Variants in IMMP2L observed in about 807,000 individuals in gnomAD.
IMMP2L encodes the protein mitochondrial inner membrane protease subunit 2.
In IMMP2L, 18 loss-of-function variants were observed where a neutral mutation model predicts 19.3. The observed-to-expected ratio is 0.93, with a 90% confidence interval of 0.64 to 1.38. The LOEUF is 1.38. IMMP2L is among the 40% of genes most tolerant of loss of function. IMMP2L has a pLI of 0.00. For missense variants in IMMP2L, 233 were observed against 218.2 expected (o/e 1.07, Z -0.43); for synonymous variants, 76 against 73.0 (o/e 1.04, Z -0.21).
chr7:111,498,093 A>T (rs928247249), intron 2 of IMMP2L, among the ~76,000 whole-genome samples: 2 of 152,002 alleles, frequency 1.3e-5, no homozygotes, highest in Non-Finnish European at 2.9e-5. Flanking sequence ...TAATATTTTT[A>T]AAGTTTGTGT....
At chr7:110,926,463 T>C (rs1053719529) in intron 4 of IMMP2L, among the ~76,000 whole-genome samples, 2 of 152,252 alleles carry the variant, frequency 1.3e-5, no homozygotes, top group African/African-American at 2.4e-5. Context: ...TCTGCCCTTA[T>C]ATGGCCATGC....
intron 5 of IMMP2L, among the ~76,000 whole-genome samples, chr7:110,700,495 T>A (rs1794207307): frequency 6.6e-6 from 1 of 152,212 alleles, no homozygotes; most frequent in Non-Finnish European, 1.5e-5. Flanking sequence ...TCACAAAGAT[T>A]GGCACAAATA....
chr7:110,966,426 T>G (rs1395674571), intron 3 of IMMP2L, among the ~76,000 whole-genome samples: 1 of 151,982 alleles, frequency 6.6e-6, no homozygotes, highest in Admixed American at 6.6e-5. Flanking sequence ...AATTATCAAG[T>G]TTACTGCCTA....
At chr7:110,673,046 C>T (rs539777852) in intron 5 of IMMP2L, among the ~76,000 whole-genome samples, 2 of 152,352 alleles carry the variant, frequency 1.3e-5, no homozygotes, top group African/African-American at 4.8e-5. Flanking sequence ...CCACACTGCC[C>T]TAGCAGAGGC....
At chr7:110,819,494 T>C (rs148778506) in intron 5 of IMMP2L, among the ~76,000 whole-genome samples, 1 of 152,136 alleles carries the variant, frequency 6.6e-6, no homozygotes, top group East Asian at 1.9e-4. Flanking sequence ...ATGAAAGTGA[T>C]CCCATAAGTG....
Position 111,542,886 on chromosome 7 carries a change from C to T in IMMP2L, c.-3+18965G>A, listed in dbSNP as rs536781490. 6.6e-5 allele frequency among the ~76,000 whole-genome samples: 10 copies of T among 152,208 alleles called. No homozygotes were observed. The East Asian group carries it at 1.7e-3, about 26-fold the overall frequency. On this transcript the variant is annotated intron_variant, in intron 1 of 5. Coordinates refer to ENST00000405709, the MANE Select transcript of IMMP2L (RefSeq NM_032549.4). ...GCTGTCATTTCAGCACTCTCAATTG[C>T]CTCTTAGAATTTGAAATTTCACTGT...
intron 3 of IMMP2L, among the ~76,000 whole-genome samples, chr7:110,990,257 C>G (rs1285238210): frequency 6.6e-6 from 1 of 152,134 alleles, no homozygotes; most frequent in East Asian, 1.9e-4. Context: ...ATTTAAATAA[C>G]TATCTTTGTG....
Position 111,067,085 on chromosome 7 carries a change from T to C in IMMP2L, c.240-103520A>G, listed in dbSNP as rs149757056. Among the ~76,000 whole-genome samples the C allele has an allele frequency of 1.5e-4, 23 of 152,344 alleles. No homozygotes were observed. In the East Asian group the frequency reaches 4.2e-3, roughly 28 times the overall value. ...CAATGGAAACTTCATGTCTGGTACT[T>C]TCCTGGACCTGCTCTATGTGCTTCT... On this transcript the variant is annotated intron_variant, in intron 3 of 5. Coordinates refer to ENST00000405709, the MANE Select transcript of IMMP2L (RefSeq NM_032549.4).
chr7:110,807,024 T>C (rs1219737731), intron 5 of IMMP2L, among the ~76,000 whole-genome samples: 1 of 152,024 alleles, frequency 6.6e-6, no homozygotes, highest in Non-Finnish European at 1.5e-5. Flanking sequence ...TGGACCATAA[T>C]GACCAATCTA....
At chr7:111,168,710 T>C (rs1263966396) in intron 3 of IMMP2L, among the ~76,000 whole-genome samples, 2 of 151,950 alleles carry the variant, frequency 1.3e-5, no homozygotes, top group Admixed American at 6.6e-5. Context: ...CTGTATAATA[T>C]ACTCTATCCC....
chr7:111,339,146 G>A (rs749153366), intron 3 of IMMP2L, among the ~76,000 whole-genome samples: 1 of 152,008 alleles, frequency 6.6e-6, no homozygotes, highest in African/African-American at 2.4e-5. Context: ...TTATATAATA[G>A]AAATATTAGT....
At chr7:110,902,738 A>C (rs1812023842) in intron 4 of IMMP2L, among the ~76,000 whole-genome samples, 2 of 46,808 alleles carry the variant, frequency 4.3e-5, no homozygotes, top group African/African-American at 1.2e-4. Context: ...TCCCGGCTAA[A>C]ACGGTGAAAC....
intron 3 of IMMP2L, among the ~76,000 whole-genome samples, chr7:111,043,452 C>T (rs914295731): frequency 8.5e-5 from 13 of 152,182 alleles, no homozygotes; most frequent in Non-Finnish European, 1.8e-4. Flanking sequence ...TAGGAAAATA[C>T]ATAAACTTTA....
chr7:111,389,313 T>G (rs1176871740), intron 3 of IMMP2L, among the ~76,000 whole-genome samples: 1 of 152,090 alleles, frequency 6.6e-6, no homozygotes, highest in East Asian at 1.9e-4. Context: ...CCAGGGCAGC[T>G]AAATACAAGG....
intron 3 of IMMP2L, among the ~76,000 whole-genome samples, chr7:111,145,619 T>A (rs1803384785): frequency 6.6e-6 from 1 of 152,114 alleles, no homozygotes; most frequent in South Asian, 2.1e-4. Flanking sequence ...GTACCCTAGA[T>A]GAGGCATTAG....
chr7:111,060,240 T>C (rs761484029), intron 3 of IMMP2L, among the ~76,000 whole-genome samples: 1 of 152,242 alleles, frequency 6.6e-6, no homozygotes, highest in Admixed American at 6.5e-5. Flanking sequence ...CACTCATTTA[T>C]CTTAATTGCA....
At chr7:110,702,638 TA>T (rs779451548) in intron 5 of IMMP2L, among the ~76,000 whole-genome samples, 10 of 152,284 alleles carry the variant, frequency 6.6e-5, no homozygotes, top group Middle Eastern at 3.4e-3. Context: ...CATATTTTGT[TA>T]AATTCATCCC....
intron 5 of IMMP2L, among the ~76,000 whole-genome samples, chr7:110,706,250 G>A (rs942613327): frequency 6.6e-6 from 1 of 152,038 alleles, no homozygotes; most frequent in African/African-American, 2.4e-5. Context: ...CTATGAGCAT[G>A]TGCCACCATG....
chr7:111,292,962 A>G (rs1054173416), intron 3 of IMMP2L, among the ~76,000 whole-genome samples: 3 of 152,020 alleles, frequency 2.0e-5, no homozygotes, highest in African/African-American at 7.2e-5. Flanking sequence ...ATGAAACTCA[A>G]TATGAAGGAT....
Sources: allele counts gnomAD v4.1 joint callset (sites outside exome capture counted in the v4.1 genomes callset), GRCh38; gene constraint gnomAD v4.1.1; transcripts MANE v1.5; gene names NCBI Gene and HGNC (gene_info 2026-07-23, HGNC 2026-07-21).